The following RORA variants were observed in gnomAD, a reference collection of about 807,000 sequenced individuals.
RORA encodes the protein nuclear receptor ROR-alpha.
In RORA, 7 loss-of-function variants were observed where a neutral mutation model predicts 69.5. That is an observed-to-expected ratio of 0.10 (90% CI 0.06 to 0.19). RORA has a LOEUF of 0.19. Among genes scored for constraint, RORA ranks in the 10% least tolerant of loss-of-function variants. The pLI, the probability that RORA is intolerant of heterozygous loss-of-function variation, is 1.00. For missense variants in RORA, 457 were observed against 663.0 expected, an observed-to-expected ratio of 0.69 and a Z score of 3.41; for synonymous variants, 261 against 240.8, an observed-to-expected ratio of 1.08 and a Z score of -0.78.
intron 3 of RORA, among the ~76,000 whole-genome samples, chr15:60,515,420 A>G (rs1490870079): frequency 9.4e-6 from 1 of 106,096 alleles, no homozygotes; most frequent in East Asian, 7.1e-4. Context: ...ATCCAGTCCA[A>G]TGCTCATCAA....
At chr15:60,997,190 G>C (rs1028817005) in intron 1 of RORA, among the ~76,000 whole-genome samples, 6 of 152,110 alleles carry the variant, frequency 3.9e-5, no homozygotes, top group Admixed American at 2.6e-4. Flanking sequence ...AACATAATTG[G>C]TTTGTTTGAA....
intron 2 of RORA, among the ~76,000 whole-genome samples, chr15:60,654,478 G>C (rs1318379973): frequency 6.6e-6 from 1 of 152,160 alleles, no homozygotes; most frequent in Non-Finnish European, 1.5e-5. Flanking sequence ...AAGTAGACCC[G>C]AGGCTCTCTG....
At chr15:61,084,644 A>G (rs901434056) in intron 1 of RORA, among the ~76,000 whole-genome samples, 1 of 152,168 alleles carries the variant, frequency 6.6e-6, no homozygotes, top group Non-Finnish European at 1.5e-5. Flanking sequence ...GTTCTCAGTA[A>G]CAGATGCCTG....
intron 1 of RORA, among the ~76,000 whole-genome samples, chr15:61,040,730 G>A (rs1896721959): frequency 1.3e-5 from 2 of 152,110 alleles, no homozygotes; most frequent in South Asian, 4.1e-4. Flanking sequence ...ATGAATGAAA[G>A]GATGGATGGA....
intron 1 of RORA, among the ~76,000 whole-genome samples, chr15:60,690,434 G>A (rs779998953): frequency 6.6e-6 from 1 of 152,180 alleles, no homozygotes. Flanking sequence ...TGTGGGCAAG[G>A]CCACCTTTGG....
chr15:61,066,418 C>CCTTTTTTTTTTTTTTTT (rs2078258884), intron 1 of RORA, among the ~76,000 whole-genome samples: 1 of 80,918 alleles, frequency 1.2e-5, no homozygotes, highest in African/African-American at 4.9e-5. Flanking sequence ...GGGCATATTC[C>CCTTTTTTTTTTTTTTTT]TTTTTTTTTT....
chr15:61,174,803 A>G (rs2079613887), intron 1 of RORA, among the ~76,000 whole-genome samples: 1 of 152,090 alleles, frequency 6.6e-6, no homozygotes, highest in Non-Finnish European at 1.5e-5. Flanking sequence ...CATACTCACT[A>G]TGTTCCAGAG....
intron 1 of RORA, among the ~76,000 whole-genome samples, chr15:60,810,953 G>A (rs2072734776): frequency 1.3e-5 from 2 of 152,148 alleles, no homozygotes; most frequent in African/African-American, 4.8e-5. Context: ...AGCTTCTTTG[G>A]TCTTTTATTC....
intron 1 of RORA, among the ~76,000 whole-genome samples, chr15:61,220,512 C>A (rs1003944123): frequency 1.3e-5 from 2 of 152,234 alleles, no homozygotes; most frequent in Non-Finnish European, 2.9e-5. Context: ...CCATGACTGG[C>A]ATCGATCATA....
rs17237738 is a variant in RORA at position 61,160,370 on chromosome 15, G to A, written c.166+68683C>T. Among the ~76,000 whole-genome samples, 10 of 152,182 alleles carry A rather than the reference G, an allele frequency of 6.6e-5. No homozygotes were observed. In the East Asian group the frequency reaches 1.9e-3, roughly 29 times the overall value. ...AGGATAACTTTTTTATAATTTACAA[G>A]TTCATGTTACATTACACATTTTCAC... On this transcript the variant is annotated intron_variant, in intron 1 of 10. Transcript: ENST00000335670.
intron 1 of RORA, among the ~76,000 whole-genome samples, chr15:60,723,070 T>G (rs973970799): frequency 2.0e-5 from 3 of 152,182 alleles, no homozygotes; most frequent in East Asian, 3.8e-4. Context: ...TTTTCAAGGG[T>G]GTGCAGACAG....
intron 1 of RORA, among the ~76,000 whole-genome samples, chr15:60,874,632 C>T (rs1051423116): frequency 9.2e-5 from 14 of 152,170 alleles, no homozygotes; most frequent in African/African-American, 2.9e-4. Flanking sequence ...CCTATTCCAG[C>T]GTATAAAATT....
intron 1 of RORA, among the ~76,000 whole-genome samples, chr15:61,119,196 T>C (rs2079079427): frequency 6.6e-6 from 1 of 151,672 alleles, no homozygotes; most frequent in Admixed American, 6.6e-5. Context: ...ACTTTCGCTT[T>C]TTTGGTTTGT....
chr15:60,804,072 T>A (rs1267973913), intron 1 of RORA, among the ~76,000 whole-genome samples: 1 of 152,048 alleles, frequency 6.6e-6, no homozygotes. Context: ...GCGGATCACC[T>A]GAGGTCGGGA....
At chr15:60,976,296 C>G (rs538849549) in intron 1 of RORA, among the ~76,000 whole-genome samples, 1 of 152,302 alleles carries the variant, frequency 6.6e-6, no homozygotes, top group South Asian at 2.1e-4. Context: ...CCCAACAGTT[C>G]TGCAAGTCTC....
At chr15:61,049,205 G>A (rs1011978747) in intron 1 of RORA, among the ~76,000 whole-genome samples, 2 of 152,206 alleles carry the variant, frequency 1.3e-5, no homozygotes, top group South Asian at 2.1e-4. Flanking sequence ...GCACTGTCAT[G>A]AAAAGCTGGC....
intron 1 of RORA, among the ~76,000 whole-genome samples, chr15:60,840,055 C>T (rs527925560): frequency 6.6e-6 from 1 of 152,272 alleles, no homozygotes; most frequent in East Asian, 1.9e-4. Context: ...GGGATAAAAG[C>T]TGTGATGATG....
intron 3 of RORA, among the ~76,000 whole-genome samples, chr15:60,521,603 G>T (rs1039252745): frequency 1.3e-5 from 2 of 152,092 alleles, no homozygotes. Context: ...ACTTCCTTTT[G>T]TTAAGAACCA....
intron 2 of RORA, among the ~76,000 whole-genome samples, chr15:60,589,926 C>T (rs546327098): frequency 5.3e-5 from 8 of 152,256 alleles, no homozygotes; most frequent in African/African-American, 1.9e-4. Context: ...AACTGTCTTA[C>T]ACATGGAACC....
Sources: gnomAD v4.1 joint callset for allele counts (sites outside exome capture counted in the v4.1 genomes callset) on GRCh38, gnomAD v4.1.1 for gene constraint, MANE v1.5 for transcripts, NCBI Gene and HGNC (gene_info 2026-07-23, HGNC 2026-07-21) for gene names.